SNX27: variants seen among roughly 807,000 people sequenced by gnomAD.
SNX27 encodes sorting nexin 27.
In SNX27, 22 loss-of-function variants were observed where a neutral mutation model predicts 71.6. The observed-to-expected ratio is 0.31, with a 90% CI of 0.22 to 0.44. The LOEUF is 0.44. SNX27 is among the 20% of genes least tolerant of loss of function. The pLI is 1.00. For synonymous variants in SNX27, 269 were observed against 277.2 expected, an observed-to-expected ratio of 0.97 and a Z score of 0.29; for missense variants, 531 against 698.6, an observed-to-expected ratio of 0.76 and a Z score of 2.70.
chr1:151,647,101 A>G (rs1178500287), intron 2 of SNX27, among the ~76,000 whole-genome samples: 1 of 148,596 alleles, frequency 6.7e-6, no homozygotes, highest in African/African-American at 2.5e-5. Flanking sequence ...GCCTGGGTCT[A>G]CTGACAGACA....
intron 2 of SNX27, among the ~76,000 whole-genome samples, chr1:151,653,252 G>A (rs1473215377): frequency 6.6e-6 from 1 of 150,582 alleles, no homozygotes; most frequent in Non-Finnish European, 1.5e-5. Context: ...TTGTTTGTTT[G>A]TTTGTTTTCC....
chr1:151,620,758 C>T (rs55690061), intron 1 of SNX27, among the ~76,000 whole-genome samples: 7,725 of 150,492 alleles, frequency 0.051, 281 homozygotes, highest in Middle Eastern at 0.17. Context: ...GGCACGATCT[C>T]GGCTCACTGC....
rs568084549 is a variant in SNX27 at position 151,696,397 on chromosome 1, G to T, written c.*1980G>T. On this transcript the variant is annotated 3_prime_UTR_variant, in exon 12 of 12. Transcript: ENST00000458013. ...TGGTTGTAGTCAATTCTACTAAGCA[G>T]TGTTGGGGTGGTTGGAAAGTCTCTT... 6.6e-6 allele frequency: 1 copy of T among 152,332 alleles called. No individual in the cohort carries two copies. Among genetic ancestry groups the T allele is most frequent in the Non-Finnish European group, 1.5e-5 (1 of 68,024 alleles). 9.4% of individuals were successfully genotyped at this position (152,332 alleles called of 1,614,324 possible).
chr1:151,639,415 TG>T (rs1252357235), intron 2 of SNX27, among the ~76,000 whole-genome samples: 1 of 152,224 alleles, frequency 6.6e-6, no homozygotes, highest in Non-Finnish European at 1.5e-5. Context: ...GTTTCTTTTT[TG>T]TTTGTTCTTT....
chr1:151,632,198 C>T (rs1316755113), intron 1 of SNX27, among the ~76,000 whole-genome samples: 1 of 150,982 alleles, frequency 6.6e-6, no homozygotes, highest in African/African-American at 2.4e-5. Context: ...GCTCTTGTTG[C>T]CCAGGCTGGA....
At chr1:151,626,853 A>G (rs1419658874) in intron 1 of SNX27, among the ~76,000 whole-genome samples, 1 of 152,226 alleles carries the variant, frequency 6.6e-6, no homozygotes, top group African/African-American at 2.4e-5. Context: ...ACACTAAATC[A>G]TGACTGAAGA....
chr1:151,658,490 A>G (rs1669801205), intron 3 of SNX27, 63 bp downstream of exon 3: 3 of 1,469,286 alleles, frequency 2.0e-6, no homozygotes, highest in South Asian at 2.6e-5. Flanking sequence ...TGCAACTTCT[A>G]AACTGCATAG....
In SNX27 at chr1:151,668,574, C is replaced by A. The variant is rs1487316704; in HGVS notation, c.1088C>A (p.Thr363Lys). 1.2e-6 allele frequency: 2 copies of A among 1,613,996 alleles called. No individual in the cohort carries two copies. ...TTGACCATTCGAAAGTGGCTTTTTA[C>A]AACAGAAGAAGAAATTCTCTTAAAT... ...TCLTIRKWLFTTEEEILLNDN... is the reference protein window; with the variant it reads ...TCLTIRKWLFKTEEEILLNDN... The change falls in exon 7 of 12, where the codon ACA (threonine) becomes AAA (lysine). Residue 363 changes from threonine to lysine, a missense_variant. This residue lies in a region of SNX27 where 184 missense variants were observed against 289.6 expected (regional missense o/e 0.64). Coordinates refer to ENST00000458013, the MANE Select transcript of SNX27 (RefSeq NM_001330723.2).
intron 2 of SNX27, among the ~76,000 whole-genome samples, chr1:151,645,749 A>C (rs1250875999): frequency 2.0e-5 from 3 of 152,160 alleles, no homozygotes; most frequent in Non-Finnish European, 4.4e-5. Flanking sequence ...TAGTTACTTA[A>C]ATTGTGCTAT....
chr1:151,621,060 C>CG (rs998407115), intron 1 of SNX27, among the ~76,000 whole-genome samples: 21 of 152,008 alleles, frequency 1.4e-4, no homozygotes, highest in East Asian at 5.8e-4. Flanking sequence ...GGACTGAAGA[C>CG]GGGGGGGAAA....
Position 151,612,319 on chromosome 1 carries a change from G to C in SNX27, c.118G>C (p.Gly40Arg), listed in dbSNP as rs1354158738. 6.6e-7 allele frequency: 1 copy of C among 1,521,730 alleles called. No homozygotes were observed. The highest frequency in any genetic ancestry group is 8.8e-7 in the Non-Finnish European group (1 of 1,139,178). The allele number at this position is 1,521,730 out of a possible 1,614,324, so 94.3% of individuals were successfully genotyped here. Residue 40 changes from glycine to arginine, a missense_variant, in exon 1 of 12, where the codon GGC becomes CGC. Coordinates refer to ENST00000458013, the MANE Select transcript of SNX27 (RefSeq NM_001330723.2). The surrounding 1 kb of genome is among the most constrained non-coding windows in gnomAD (Gnocchi z 5.2). Reference sequence around the variant, plus strand: ...CGGGAACGGCGGCGGGGGAGGCGGCGGCCCGCGGGTCGTGCGCATCGTCAA... The same window carrying C: ...CGGGAACGGCGGCGGGGGAGGCGGCCGCCCGCGGGTCGTGCGCATCGTCAA... ...CAGNGGGGGG[G>R]PRVVRIVKSE...
intron 2 of SNX27, among the ~76,000 whole-genome samples, chr1:151,640,666 C>T (rs932478788): frequency 7.2e-5 from 11 of 152,284 alleles, no homozygotes; most frequent in African/African-American, 1.9e-4. Flanking sequence ...TGAGACACTG[C>T]GCCCAGCCCA....
chr1:151,641,598 G>GATATATATATATATATATCAT (rs1668723410), intron 2 of SNX27, among the ~76,000 whole-genome samples: 2 of 78,994 alleles, frequency 2.5e-5, no homozygotes, highest in African/African-American at 8.9e-5. Context: ...TCCTTTATCA[G>GATATATATATATATATATCAT]ATATATATAT....
At chr1:151,684,343 T>C (rs1222518254) in intron 8 of SNX27, among the ~76,000 whole-genome samples, 1 of 152,204 alleles carries the variant, frequency 6.6e-6, no homozygotes, top group Non-Finnish European at 1.5e-5. Flanking sequence ...TAAGCAGCCA[T>C]ATGTGCACAG....
At chr1:151,641,662 G>T (rs537191003) in intron 2 of SNX27, among the ~76,000 whole-genome samples, 62 of 103,954 alleles carry the variant, frequency 6.0e-4, no homozygotes, top group African/African-American at 1.8e-3. Context: ...ATATGTATCA[G>T]ATATATATAT....
At chr1:151,655,160 C>T (rs1007145795) in intron 2 of SNX27, among the ~76,000 whole-genome samples, 3 of 151,172 alleles carry the variant, frequency 2.0e-5, no homozygotes, top group Non-Finnish European at 2.9e-5. Context: ...TTACTTTGGT[C>T]CTTTTTAGCT....
At chr1:151,682,459 T>C (rs1414990583) in intron 7 of SNX27, among the ~76,000 whole-genome samples, 1 of 152,036 alleles carries the variant, frequency 6.6e-6, no homozygotes, top group Non-Finnish European at 1.5e-5. Context: ...GTAGCTGGGA[T>C]TACAGTTGCC....
chr1:151,687,327 AC>A (rs900399179), intron 8 of SNX27, among the ~76,000 whole-genome samples: 17 of 152,370 alleles, frequency 1.1e-4, no homozygotes, highest in Admixed American at 1.1e-3. Context: ...CAGTCTACTT[AC>A]ATGGAAGACA....
chr1:151,617,432 C>A (rs915928534), intron 1 of SNX27, among the ~76,000 whole-genome samples: 2 of 152,164 alleles, frequency 1.3e-5, no homozygotes, highest in African/African-American at 2.4e-5. Context: ...GCATGTGCCA[C>A]CACGCCCATC....
Sources: gnomAD v4.1 joint callset for allele counts (sites outside exome capture counted in the v4.1 genomes callset) on GRCh38, gnomAD v4.1.1 for gene constraint, gnomAD v4.1.1 regional missense constraint, Gnocchi (gnomAD v3.1) non-coding constraint, MANE v1.5 for transcripts, NCBI Gene and HGNC (gene_info 2026-07-23, HGNC 2026-07-21) for gene names.